The following RALGPS1 variants were observed in gnomAD, a reference collection of about 807,000 sequenced individuals.
RALGPS1 encodes ras-specific guanine nucleotide-releasing factor RalGPS1.
Under a neutral mutation model 78.8 loss-of-function variants are expected in RALGPS1, and 19 were observed. The observed-to-expected ratio is 0.24, with a 90% CI of 0.17 to 0.35. The LOEUF (loss-of-function observed/expected upper bound fraction) is 0.35, where lower values mean the gene tolerates loss of function less well. Among genes scored for constraint, RALGPS1 ranks in the 10% least tolerant of loss-of-function variants. The pLI is 1.00. For missense variants in RALGPS1, 454 were observed against 688.3 expected, an observed-to-expected ratio of 0.66 and a Z score of 3.81; for synonymous variants, 228 against 256.3, an observed-to-expected ratio of 0.89 and a Z score of 1.06.
chr9:126,923,583 A>G (rs2034975598), intron 1 of RALGPS1, among the ~76,000 whole-genome samples: 1 of 152,240 alleles, frequency 6.6e-6, no homozygotes, highest in African/African-American at 2.4e-5. Flanking sequence ...GTCAGAAAAT[A>G]CTGAACTTTC....
intron 5 of RALGPS1, among the ~76,000 whole-genome samples, chr9:127,048,085 G>A (rs1279421818): frequency 6.6e-6 from 1 of 151,928 alleles, no homozygotes; most frequent in Non-Finnish European, 1.5e-5. Flanking sequence ...CTGCTCAGAA[G>A]CCTCTGAAAG....
At chr9:127,189,850 G>GC (rs1223155771) in intron 11 of RALGPS1, among the ~76,000 whole-genome samples, 2 of 152,210 alleles carry the variant, frequency 1.3e-5, no homozygotes, top group East Asian at 3.8e-4. Context: ...CCCATATGCA[G>GC]CCCCCTGGTC....
chr9:127,136,712 C>T (rs1324309232), intron 8 of RALGPS1, among the ~76,000 whole-genome samples: 1 of 152,136 alleles, frequency 6.6e-6, no homozygotes, highest in Non-Finnish European at 1.5e-5. Context: ...TCACCTTCAT[C>T]ATCTCCTCAT....
intron 11 of RALGPS1, 58 bp from the exon 12 acceptor site, chr9:127,195,033 G>A: frequency 6.3e-7 from 1 of 1,595,962 alleles, no homozygotes; most frequent in Admixed American, 1.7e-5. Flanking sequence ...CCCAGCCTGT[G>A]CAGCCCCTCA....
intron 1 of RALGPS1, among the ~76,000 whole-genome samples, chr9:126,928,678 T>C (rs2035524710): frequency 1.3e-5 from 2 of 152,102 alleles, no homozygotes; most frequent in African/African-American, 4.8e-5. Context: ...CTTGGCTCAC[T>C]GCAACCTCCA....
At chr9:127,006,022 A>C (rs946402709) in intron 4 of RALGPS1, among the ~76,000 whole-genome samples, 6 of 152,212 alleles carry the variant, frequency 3.9e-5, no homozygotes, top group Admixed American at 2.0e-4. Context: ...TCTTCATGCT[A>C]AAAACACTCA....
At chr9:127,196,253 C>T (rs1227337723) in intron 12 of RALGPS1, among the ~76,000 whole-genome samples, 7 of 152,198 alleles carry the variant, frequency 4.6e-5, no homozygotes, top group African/African-American at 9.6e-5. Context: ...GGGCAAGTAT[C>T]GTTATCCCCA....
At position 126,962,354 on chromosome 9, in the gene RALGPS1, G is replaced by A. The variant is rs763938672; in HGVS notation, c.57+8G>A. Reference sequence around the variant, plus strand: ...ACCTCTGCCACTCCACAGGTACTGAGGCTGCAAGAATCGGGACAGTGGGTA... The same window carrying A: ...ACCTCTGCCACTCCACAGGTACTGAAGCTGCAAGAATCGGGACAGTGGGTA... On this transcript the variant is annotated splice_region_variant and intron_variant, in intron 2 of 18. Transcript: ENST00000259351. The A allele has an allele frequency of 6.0e-5, 97 of 1,613,864 alleles. No homozygotes were observed. Among genetic ancestry groups the A allele is most frequent in the Non-Finnish European group, 7.9e-5 (93 of 1,179,916 alleles).
chr9:127,041,364 C>T (rs1036981862), intron 5 of RALGPS1, among the ~76,000 whole-genome samples: 4 of 152,064 alleles, frequency 2.6e-5, no homozygotes, highest in Non-Finnish European at 4.4e-5. Flanking sequence ...TGCTGGGATT[C>T]CAGGCCTGAG....
intron 11 of RALGPS1, chr9:127,184,323 A>AT: frequency 5.8e-6 from 1 of 171,886 alleles, no homozygotes. Flanking sequence ...TTGTCTCAGG[A>AT]AAAAAAAAAA....
chr9:127,172,657 G>A (rs1184241347), intron 10 of RALGPS1, among the ~76,000 whole-genome samples: 1 of 152,184 alleles, frequency 6.6e-6, no homozygotes, highest in African/African-American at 2.4e-5. Flanking sequence ...TTTCTACTTA[G>A]GTATTCATTC....
chr9:127,217,094 A>C, intron 18 of RALGPS1: 1 of 1,375,376 alleles, frequency 7.3e-7, no homozygotes, highest in Admixed American at 3.3e-5. Context: ...CCAGAGGATG[A>C]CAGCAGCCCC....
Position 127,218,669 on chromosome 9 carries a change from C to A in RALGPS1, c.1645-71C>A. On this transcript the variant is annotated intron_variant, in intron 18 of 18. Transcript: ENST00000259351. The surrounding 1 kb of genome is among the most constrained non-coding windows in gnomAD (Gnocchi z 4.4). ...TCACGGGGAAAGGCCTGTCCCTTCC[C>A]CTAGGGACCACCACCCCTTGTCCTT... 6.6e-7 allele frequency: 1 copy of A among 1,517,682 alleles called. No individual in the cohort carries two copies. Among genetic ancestry groups the A allele is most frequent in the South Asian group, 1.1e-5 (1 of 89,060 alleles). 94.0% of individuals were successfully genotyped at this position (1,517,682 alleles called of 1,614,324 possible).
chr9:127,165,184 A>G (rs1200865807), intron 8 of RALGPS1, among the ~76,000 whole-genome samples: 2 of 152,150 alleles, frequency 1.3e-5, no homozygotes, highest in East Asian at 3.9e-4. Flanking sequence ...CTCCTGCCCA[A>G]CTCTGCCAGT....
intron 11 of RALGPS1, chr9:127,178,192 G>A: frequency 2.2e-6 from 1 of 462,842 alleles, no homozygotes; most frequent in South Asian, 2.2e-5. Context: ...AAAATCCCTG[G>A]CCTCCCTTTC....
intron 4 of RALGPS1, among the ~76,000 whole-genome samples, chr9:127,006,210 C>T (rs1490607050): frequency 6.6e-6 from 1 of 152,208 alleles, no homozygotes; most frequent in Non-Finnish European, 1.5e-5. Context: ...AACTTCTGCT[C>T]AGCAAAACAT....
At position 127,183,752 on chromosome 9, in the gene RALGPS1, GC is replaced by G; in HGVS notation, c.910+8973del. 5 of 862,300 alleles carry G rather than the reference GC, an allele frequency of 5.8e-6. 1 individual carries two copies. In the Admixed American group the frequency reaches 1.3e-4, roughly 22 times the overall value. The allele number at this position is 862,300 out of a possible 1,614,324, so 53.4% of individuals were successfully genotyped here. On this transcript the variant is annotated intron_variant, in intron 11 of 18. Coordinates refer to ENST00000259351, the MANE Select transcript of RALGPS1 (RefSeq NM_014636.3). The surrounding 1 kb of genome is among the most constrained non-coding windows in gnomAD (Gnocchi z 4.0). ...CTCTCTCTGGAAACATACTCTCTCT[GC>G]CCGTTTATATTTTCGGAATGGATGG...
intron 4 of RALGPS1, among the ~76,000 whole-genome samples, chr9:126,982,557 G>A (rs549473197): frequency 2.6e-4 from 40 of 152,246 alleles, no homozygotes; most frequent in South Asian, 6.2e-4. Flanking sequence ...TGTGTTGAGC[G>A]GTTAAAGTCT....
chr9:127,124,126 C>T (rs1338344029), intron 8 of RALGPS1, among the ~76,000 whole-genome samples: 1 of 152,200 alleles, frequency 6.6e-6, no homozygotes, highest in Admixed American at 6.5e-5. Context: ...ACACTTCACC[C>T]ATGGAGCGGT....
Sources: gnomAD v4.1 joint callset for allele counts (sites outside exome capture counted in the v4.1 genomes callset) on GRCh38, gnomAD v4.1.1 for gene constraint, Gnocchi (gnomAD v3.1) non-coding constraint, MANE v1.5 for transcripts, NCBI Gene and HGNC (gene_info 2026-07-23, HGNC 2026-07-21) for gene names.